Variants in DMD observed in about 807,000 individuals in gnomAD.
The protein encoded by DMD is mutant dystrophin.
In DMD, 63 loss-of-function variants were observed where a neutral mutation model predicts 330.1. The ratio of observed to expected loss-of-function variants is 0.19; its 90% CI spans 0.16 to 0.24. The LOEUF is 0.24. Among genes scored for constraint, DMD ranks in the 10% least tolerant of loss-of-function variants. The probability of loss-of-function intolerance (pLI) is 1.00; values close to 1 mark genes in which losing one functional copy is unlikely to be tolerated. For synonymous variants in DMD, 1,223 were observed against 959.8 expected, an observed-to-expected ratio of 1.27 and a Z score of -5.07; for missense variants, 3,344 against 2,684.1, an observed-to-expected ratio of 1.25 and a Z score of -5.43.
intron 1 of DMD, among the ~76,000 whole-genome samples, chrX:33,060,475 G>C (rs1397876700): frequency 2.7e-5 from 3 of 111,478 alleles, no homozygotes. Context: ...ATCTTTGTCA[G>C]TACTAACATA....
intron 2 of DMD, among the ~76,000 whole-genome samples, chrX:32,974,295 G>A (rs1336611560): frequency 9.0e-6 from 1 of 111,038 alleles, no homozygotes; most frequent in African/African-American, 3.3e-5. Context: ...GAGGGAGAGA[G>A]GAATGGGGAG....
intron 47 of DMD, among the ~76,000 whole-genome samples, chrX:31,906,294 T>C (rs2094478266): frequency 8.9e-6 from 1 of 112,246 alleles, no homozygotes; most frequent in South Asian, 3.7e-4. Flanking sequence ...CCTTTATAAA[T>C]TACCCAGTCT....
chrX:31,992,780 C>A (rs1422566733), intron 44 of DMD, among the ~76,000 whole-genome samples: 2 of 111,539 alleles, frequency 1.8e-5, no homozygotes, highest in Admixed American at 1.9e-4. Flanking sequence ...AATTAAAATT[C>A]TTTACCAAGG....
At chrX:32,106,888 A>G (rs2096566323) in intron 44 of DMD, among the ~76,000 whole-genome samples, 1 of 112,070 alleles carries the variant, frequency 8.9e-6, no homozygotes, top group South Asian at 3.7e-4. Flanking sequence ...AAACTGATTT[A>G]TTTTCCTTTG....
rs184054500 is a variant in DMD at position 32,410,914 on chromosome X, G to A, written c.4233+838C>T. Among the ~76,000 whole-genome samples, 588 of 111,540 alleles carry A rather than the reference G, an allele frequency of 5.3e-3. 3 individuals carry two copies. Among genetic ancestry groups the A allele is most frequent in the African/African-American group, 0.018 (562 of 30,746 alleles). ...TCATTCTAGAAAAACAGGTAAACAC[G>A]TTTTATATTTTCGTTTGAATGAAGC... is the stretch of plus-strand genomic sequence containing the variant. On this transcript the variant is annotated intron_variant, in intron 30 of 78. Transcript: ENST00000357033.
At chrX:32,888,510 A>G (rs1486502471) in intron 2 of DMD, among the ~76,000 whole-genome samples, 1 of 112,102 alleles carries the variant, frequency 8.9e-6, no homozygotes, top group African/African-American at 3.2e-5. Flanking sequence ...ACAAAGGATA[A>G]CTAGTGTTGG....
rs746566307 is a variant in DMD at position 32,244,668 on chromosome X, T to A, written c.6291-27605A>T. 6.4e-5 allele frequency among the ~76,000 whole-genome samples: 6 copies of A among 93,312 alleles called. No individual in the cohort carries two copies. The East Asian group carries it at 2.5e-3, about 38-fold the overall frequency. 81.0% of individuals were successfully genotyped at this position (93,312 alleles called of 115,157 possible). On this transcript the variant is annotated intron_variant, in intron 43 of 78. Coordinates refer to ENST00000357033, the MANE Select transcript of DMD (RefSeq NM_004006.3). Reference sequence around the variant, plus strand: ...GATTGCCATTCTAACTGGTGTGAGATGATATCTCATAGTGGTTTTGATTTG... The same window carrying A: ...GATTGCCATTCTAACTGGTGTGAGAAGATATCTCATAGTGGTTTTGATTTG...
intron 9 of DMD, among the ~76,000 whole-genome samples, chrX:32,679,083 A>G (rs960067503): frequency 5.4e-5 from 6 of 112,050 alleles, no homozygotes; most frequent in Non-Finnish European, 1.1e-4. Context: ...TAAATCTTAC[A>G]AAAATATAGG....
intron 11 of DMD, among the ~76,000 whole-genome samples, chrX:32,615,654 A>G (rs1311283734): frequency 9.0e-6 from 1 of 111,663 alleles, no homozygotes; most frequent in East Asian, 2.8e-4. Context: ...GGAAGTTTCC[A>G]TTAATCATCA....
chrX:31,432,399 T>C (rs2064154859), intron 60 of DMD, among the ~76,000 whole-genome samples: 1 of 112,113 alleles, frequency 8.9e-6, no homozygotes, highest in Non-Finnish European at 1.9e-5. Flanking sequence ...GAAAAGACGC[T>C]GCGTAGTCAA....
At chrX:33,216,015 T>C (rs1355346317), upstream of DMD, among the ~76,000 whole-genome samples, 1 of 111,741 alleles carries the variant, frequency 8.9e-6, no homozygotes, top group Non-Finnish European at 1.9e-5. Flanking sequence ...GCTCTTTTGG[T>C]TCCATACAAA....
At chrX:32,995,550 T>C (rs1380549425) in intron 2 of DMD, among the ~76,000 whole-genome samples, 1 of 111,962 alleles carries the variant, frequency 8.9e-6, no homozygotes, top group Non-Finnish European at 1.9e-5. Flanking sequence ...GTATTGTAAG[T>C]ATGATTATTT....
At chrX:31,296,338 T>C (rs1023030599) in intron 62 of DMD, among the ~76,000 whole-genome samples, 16 of 112,061 alleles carry the variant, frequency 1.4e-4, no homozygotes, top group Non-Finnish European at 2.6e-4. Flanking sequence ...TGAGGACTCA[T>C]AGTTGTGAAA....
At position 32,561,835 on chromosome X, in the gene DMD, C is replaced by T. The variant is rs183252529; in HGVS notation, c.1992+3867G>A. On this transcript the variant is annotated intron_variant, in intron 16 of 78. Coordinates refer to ENST00000357033, the MANE Select transcript of DMD (RefSeq NM_004006.3). ...AAAGGGAAGCCCATCAGGGTAACAG[C>T]AGATCTCTCAGCAGAAACCCTATAA... Among the ~76,000 whole-genome samples, 3 of 111,727 alleles carry T rather than the reference C, an allele frequency of 2.7e-5. No individual in the cohort carries two copies. The East Asian group carries it at 8.5e-4, about 32-fold the overall frequency.
chrX:33,118,507 T>TA (rs954681815), intron 1 of DMD, among the ~76,000 whole-genome samples: 1 of 112,153 alleles, frequency 8.9e-6, no homozygotes, highest in Non-Finnish European at 1.9e-5. Context: ...AAGCTTGCTT[T>TA]ACTCTTAAGC....
chrX:32,553,865 C>T (rs963908916), intron 16 of DMD, among the ~76,000 whole-genome samples: 11 of 111,627 alleles, frequency 9.9e-5, no homozygotes, highest in Admixed American at 9.5e-4. Context: ...TAAGAGTTCT[C>T]ATGAGATTTG....
intron 1 of DMD, among the ~76,000 whole-genome samples, chrX:33,261,910 TAAAA>T (rs1218234833): frequency 1.9e-5 from 2 of 104,544 alleles, no homozygotes; most frequent in Non-Finnish European, 3.9e-5. Context: ...AATAAAGGCC[TAAAA>T]AAGGCAGAAA....
chrX:32,141,290 G>C (rs1006337753), intron 44 of DMD, among the ~76,000 whole-genome samples: 2 of 104,994 alleles, frequency 1.9e-5, no homozygotes, highest in Non-Finnish European at 3.9e-5. Context: ...AAAACAAATA[G>C]CCTGGCGTGG....
intron 29 of DMD, among the ~76,000 whole-genome samples, chrX:32,419,037 G>A (rs2098178563): frequency 9.9e-6 from 1 of 100,751 alleles, no homozygotes; most frequent in South Asian, 4.7e-4. Context: ...TTGTACACTT[G>A]AAAAATCTTT....
Sources: gnomAD v4.1 joint callset for allele counts (sites outside exome capture counted in the v4.1 genomes callset) on GRCh38, gnomAD v4.1.1 for gene constraint, MANE v1.5 for transcripts, NCBI Gene and HGNC (gene_info 2026-07-23, HGNC 2026-07-21) for gene names.